Variants in LDLRAD3 observed in about 807,000 individuals in gnomAD.
LDLRAD3 encodes low density lipoprotein receptor class A domain containing 3, also known as low-density lipoprotein receptor class A domain-containing protein 3.
A neutral mutation model predicts 29.4 loss-of-function variants in LDLRAD3; 20 were observed. The observed-to-expected ratio is 0.68, with a 90% CI of 0.48 to 0.99. The LOEUF (loss-of-function observed/expected upper bound fraction) is 0.99, where lower values mean the gene tolerates loss of function less well. LDLRAD3 is among the 50% of genes least tolerant of loss of function. The probability of loss-of-function intolerance (pLI) is 0.00; values close to 1 mark genes in which losing one functional copy is unlikely to be tolerated. For synonymous variants in LDLRAD3, 157 were observed against 192.7 expected (o/e 0.81, Z 1.53); for missense variants, 420 against 454.3 (o/e 0.92, Z 0.69).
At chr11:36,074,633 C>T (rs913180707) in intron 2 of LDLRAD3, among the ~76,000 whole-genome samples, 5 of 152,166 alleles carry the variant, frequency 3.3e-5, no homozygotes, top group African/African-American at 1.2e-4. Context: ...AAGGCAGTGA[C>T]GTTCTTACTA....
At chr11:36,165,863 T>A (rs1042593114) in intron 4 of LDLRAD3, among the ~76,000 whole-genome samples, 3 of 151,180 alleles carry the variant, frequency 2.0e-5, no homozygotes, top group African/African-American at 7.3e-5. Context: ...AAATAAGTGA[T>A]CTCATTTTTA....
At chr11:36,225,573 G>A (rs1417063316) in intron 4 of LDLRAD3, among the ~76,000 whole-genome samples, 10 of 152,092 alleles carry the variant, frequency 6.6e-5, no homozygotes, top group East Asian at 1.9e-4. Flanking sequence ...GGTCTTATTC[G>A]GGTGATGTAG....
chr11:36,092,643 C>G (rs903543246), intron 3 of LDLRAD3, among the ~76,000 whole-genome samples: 4 of 152,202 alleles, frequency 2.6e-5, no homozygotes, highest in Non-Finnish European at 5.9e-5. Context: ...GTCCCCTTCT[C>G]TGGCTGTCAG....
At chr11:36,013,042 G>A (rs1349467653) in intron 1 of LDLRAD3, among the ~76,000 whole-genome samples, 2 of 152,124 alleles carry the variant, frequency 1.3e-5, no homozygotes, top group Non-Finnish European at 2.9e-5. Context: ...TATTATATTT[G>A]GTATATTTAG....
At chr11:36,060,779 G>T (rs1432280007) in intron 2 of LDLRAD3, among the ~76,000 whole-genome samples, 2 of 152,128 alleles carry the variant, frequency 1.3e-5, no homozygotes, top group Non-Finnish European at 2.9e-5. Context: ...TAAAATTTGA[G>T]CCCTGATACT....
intron 4 of LDLRAD3, among the ~76,000 whole-genome samples, chr11:36,167,614 G>T (rs948110887): frequency 3.9e-5 from 6 of 152,140 alleles, no homozygotes; most frequent in Non-Finnish European, 5.9e-5. Context: ...AAGCCAAGGA[G>T]CACCCAAGAT....
chr11:35,950,783 TGCAAAAATAA>T (rs1851122144), intron 1 of LDLRAD3, among the ~76,000 whole-genome samples: 1 of 152,132 alleles, frequency 6.6e-6, no homozygotes, highest in South Asian at 2.1e-4. Context: ...TTACAAACAC[TGCAAAAATAA>T]TACACGGGGG....
chr11:36,206,217 G>A (rs748722048), intron 4 of LDLRAD3, among the ~76,000 whole-genome samples: 8 of 152,214 alleles, frequency 5.3e-5, no homozygotes, highest in Non-Finnish European at 8.8e-5. Flanking sequence ...TATGCGGTAG[G>A]TGCTGGGGCT....
intron 4 of LDLRAD3, among the ~76,000 whole-genome samples, chr11:36,216,507 T>A (rs1017410024): frequency 1.3e-5 from 2 of 152,222 alleles, no homozygotes; most frequent in African/African-American, 2.4e-5. Context: ...TCTATACATA[T>A]TTTCCCTTTT....
At chr11:35,945,664 G>A (rs1441139491) in intron 1 of LDLRAD3, among the ~76,000 whole-genome samples, 1 of 152,176 alleles carries the variant, frequency 6.6e-6, no homozygotes, top group Non-Finnish European at 1.5e-5. Flanking sequence ...CTGTGTAGCT[G>A]TGGTGTGTCC....
intron 4 of LDLRAD3, among the ~76,000 whole-genome samples, chr11:36,188,356 G>A: frequency 1.1e-5 from 1 of 92,172 alleles, no homozygotes. Context: ...ACAAAGAAAA[G>A]GAGAGGAAAA....
intron 2 of LDLRAD3, among the ~76,000 whole-genome samples, chr11:36,065,931 C>G (rs893699891): frequency 3.9e-5 from 6 of 152,170 alleles, no homozygotes; most frequent in Admixed American, 6.5e-5. Flanking sequence ...AGTCCGAAGG[C>G]AAAGAATATG....
chr11:36,030,435 AGTGTGTGTGTGTGTGTGT>A (rs3080139), intron 1 of LDLRAD3, among the ~76,000 whole-genome samples: 1,778 of 147,804 alleles, frequency 0.012, 23 homozygotes, highest in African/African-American at 0.042. Flanking sequence ...CTGTGCATGG[AGTGTGTGTGTGTGTGTGT>A]GTGTGTGTGT....
chr11:36,038,159 A>G (rs1852328558), intron 2 of LDLRAD3, among the ~76,000 whole-genome samples: 1 of 152,148 alleles, frequency 6.6e-6, no homozygotes, highest in Non-Finnish European at 1.5e-5. Flanking sequence ...CCGCCTTCCA[A>G]CGTGCTGGGA....
intron 2 of LDLRAD3, among the ~76,000 whole-genome samples, chr11:36,049,017 A>G (rs892784800): frequency 2.6e-5 from 4 of 152,106 alleles, no homozygotes; most frequent in Admixed American, 2.6e-4. Flanking sequence ...GAGAATCTTA[A>G]TGAAATAACT....
chr11:36,133,695 G>A (rs1463685648), intron 4 of LDLRAD3, among the ~76,000 whole-genome samples: 1 of 151,158 alleles, frequency 6.6e-6, no homozygotes, highest in African/African-American at 2.4e-5. Flanking sequence ...CACCACGCCT[G>A]GCTAATTTTG....
intron 4 of LDLRAD3, among the ~76,000 whole-genome samples, chr11:36,226,074 T>TAAAA (rs146640752): frequency 7.4e-6 from 1 of 135,552 alleles, no homozygotes; most frequent in Admixed American, 7.0e-5. Flanking sequence ...CTCAAATAAA[T>TAAAA]AAATAAATAA....
intron 2 of LDLRAD3, among the ~76,000 whole-genome samples, chr11:36,053,128 C>G (rs1565187957): frequency 6.6e-6 from 1 of 152,100 alleles, no homozygotes. Context: ...AGCTATAAGT[C>G]TATTTTGTAA....
At chr11:36,224,973 T>C (rs931998743) in intron 4 of LDLRAD3, among the ~76,000 whole-genome samples, 1 of 152,196 alleles carries the variant, frequency 6.6e-6, no homozygotes, top group African/African-American at 2.4e-5. Flanking sequence ...TACTAGGGCA[T>C]GTGAATAAAC....
Sources: gnomAD v4.1 joint callset for allele counts (sites outside exome capture counted in the v4.1 genomes callset) on GRCh38, gnomAD v4.1.1 for gene constraint, MANE v1.5 for transcripts, NCBI Gene and HGNC (gene_info 2026-07-23, HGNC 2026-07-21) for gene names.